The following ATXN10 variants were observed in gnomAD, a reference collection of about 807,000 sequenced individuals.
ATXN10 encodes the protein ataxin 10.
ATXN10 carries 28 observed loss-of-function variants against 52.9 expected under a neutral mutation model. The ratio of observed to expected loss-of-function variants is 0.53; its 90% CI spans 0.39 to 0.73. The LOEUF is 0.73. ATXN10 is among the 30% of genes least tolerant of loss of function. The pLI, the probability that ATXN10 is intolerant of heterozygous loss-of-function variation, is 0.00. For synonymous variants in ATXN10, 226 were observed against 221.5 expected (o/e 1.02, Z -0.18); for missense variants, 565 against 577.0 (o/e 0.98, Z 0.21).
chr22:45,731,353 T>C (rs1216733991), intron 7 of ATXN10, among the ~76,000 whole-genome samples: 2 of 152,238 alleles, frequency 1.3e-5, no homozygotes, highest in Non-Finnish European at 2.9e-5. Flanking sequence ...TGGAATTGAT[T>C]GCAGGGGAAC....
At chr22:45,812,804 A>G (rs146320627) in intron 10 of ATXN10, among the ~76,000 whole-genome samples, 2 of 152,234 alleles carry the variant, frequency 1.3e-5, no homozygotes, top group Admixed American at 6.5e-5. Flanking sequence ...ATAGGAGTCT[A>G]CCCGTGCCCC....
chr22:45,683,983 G>C lies in ATXN10; in HGVS notation c.117-5729G>C, dbSNP rs1403014190. ...CATGTTTTCTTAGAGACAAGGTCTC[G>C]CTGTGTCACCCAGGCCTGAGTGCAG... On this transcript the variant is annotated intron_variant, in intron 1 of 11. Coordinates refer to ENST00000252934, the MANE Select transcript of ATXN10 (RefSeq NM_013236.4). This position sits in a 1 kb window ranked among gnomAD's most constrained non-coding sequence, Gnocchi z 4.8. 6.6e-6 allele frequency among the ~76,000 whole-genome samples: 1 copy of C among 151,814 alleles called. No individual in the cohort carries two copies. Among genetic ancestry groups the C allele is most frequent in the South Asian group, 2.1e-4 (1 of 4,804 alleles).
At position 45,750,460 on chromosome 22, in the gene ATXN10, AAAG is replaced by A. The variant is rs2146815123; in HGVS notation, c.1173+9928_1173+9930del. Among the ~76,000 whole-genome samples, 1 of 152,302 alleles carries A rather than the reference AAAG, an allele frequency of 6.6e-6. No individual in the cohort carries two copies. Among genetic ancestry groups the A allele is most frequent in the East Asian group, 1.9e-4 (1 of 5,188 alleles). ...AAAACAATTATTTCACAGTATCCAA[AAAG>A]AAGAATATCTGAGACTTGGGTGAGG... On this transcript the variant is annotated intron_variant, in intron 9 of 11. Transcript: ENST00000252934. This position sits in a 1 kb window ranked among gnomAD's most constrained non-coding sequence, Gnocchi z 4.2.
In ATXN10 at chr22:45,780,312, G is replaced by C. The variant is rs1654578480; in HGVS notation, c.1174-26647G>C. Among the ~76,000 whole-genome samples the C allele has an allele frequency of 6.6e-6, 1 of 152,172 alleles. No homozygotes were observed. Among genetic ancestry groups the C allele is most frequent in the South Asian group, 2.1e-4 (1 of 4,828 alleles). On this transcript the variant is annotated intron_variant, in intron 9 of 11. Transcript: ENST00000252934. The surrounding 1 kb of genome is among the most constrained non-coding windows in gnomAD (Gnocchi z 4.0). ...GTGGCCAGGCTGGTCTTGAACTCCT[G>C]ACCTCAAATGATCCACCCGCTTCAG...
rs1013176651 is a variant in ATXN10 at position 45,687,473 on chromosome 22, G to A, written c.117-2239G>A. On this transcript the variant is annotated intron_variant, in intron 1 of 11. Transcript: ENST00000252934. Reference sequence around the variant, plus strand: ...GGATCAGGTGAAAGAAATAATTCTCGCTGCTTTCTTACAGCTGTAAATACA... The same window carrying A: ...GGATCAGGTGAAAGAAATAATTCTCACTGCTTTCTTACAGCTGTAAATACA... Among the ~76,000 whole-genome samples, 13 of 152,272 alleles carry A rather than the reference G, an allele frequency of 8.5e-5. No homozygotes were observed. In the East Asian group the frequency reaches 1.4e-3, roughly 16 times the overall value.
At chr22:45,755,229 C>G (rs1486750501) in intron 9 of ATXN10, among the ~76,000 whole-genome samples, 1 of 152,204 alleles carries the variant, frequency 6.6e-6, no homozygotes, top group African/African-American at 2.4e-5. Flanking sequence ...TCTCCATGAC[C>G]CTCTATCCTT....
At chr22:45,764,884 C>T (rs1411274430) in intron 9 of ATXN10, among the ~76,000 whole-genome samples, 1 of 152,174 alleles carries the variant, frequency 6.6e-6, no homozygotes, top group Non-Finnish European at 1.5e-5. Flanking sequence ...GGACATTTGT[C>T]TGTTTTAAAT....
intron 3 of ATXN10, among the ~76,000 whole-genome samples, chr22:45,700,023 GCTGGTCTTGAACTCCTGGCCTCAAGTGAT>G: frequency 6.6e-6 from 1 of 151,966 alleles, no homozygotes; most frequent in East Asian, 1.9e-4. Context: ...TATTGGCCAG[GCTGGTCTTGAACTCCTGGCCTCAAGTGAT>G]CCACCCGCCT....
At position 45,842,711 on chromosome 22, in the gene ATXN10, C is replaced by G. The variant is rs1929387013; in HGVS notation, c.1238-280C>G. On this transcript the variant is annotated intron_variant, in intron 10 of 11. Transcript: ENST00000252934. The surrounding 1 kb of genome is among the most constrained non-coding windows in gnomAD (Gnocchi z 4.8). ...TTGAGCTACTCTAAGTCTTTGCTTCCTTGTTCATTCATTCAACAAATACTG... is the reference window on the plus strand; with the variant it reads ...TTGAGCTACTCTAAGTCTTTGCTTCGTTGTTCATTCATTCAACAAATACTG... Among the ~76,000 whole-genome samples, 1 of 152,134 alleles carries G rather than the reference C, an allele frequency of 6.6e-6. No homozygotes were observed. Among genetic ancestry groups the G allele is most frequent in the Admixed American group, 6.5e-5 (1 of 15,286 alleles).
intron 9 of ATXN10, among the ~76,000 whole-genome samples, chr22:45,806,550 C>T (rs558303646): frequency 1.3e-5 from 2 of 152,224 alleles, no homozygotes; most frequent in East Asian, 1.9e-4. Flanking sequence ...CTGTTGCTTC[C>T]GGATTGAATC....
chr22:45,785,434 CTAGTT>C (rs1223257673), intron 9 of ATXN10, among the ~76,000 whole-genome samples: 1 of 152,104 alleles, frequency 6.6e-6, no homozygotes, highest in Admixed American at 6.5e-5. Context: ...TATGATTCAG[CTAGTT>C]TAAAGTTCTT....
intron 10 of ATXN10, among the ~76,000 whole-genome samples, chr22:45,836,451 C>G (rs903442639): frequency 3.9e-5 from 6 of 152,224 alleles, no homozygotes; most frequent in African/African-American, 1.4e-4. Context: ...CAGCACCCTG[C>G]GAGCGGGAGC....
chr22:45,682,755 T>C (rs1272156759), intron 1 of ATXN10, among the ~76,000 whole-genome samples: 1 of 152,252 alleles, frequency 6.6e-6, no homozygotes, highest in African/African-American at 2.4e-5. Context: ...TTTCAATTTA[T>C]GGCTCAGGCT....
chr22:45,724,472 G>T (rs1924789088), intron 6 of ATXN10, among the ~76,000 whole-genome samples: 1 of 151,798 alleles, frequency 6.6e-6, no homozygotes, highest in African/African-American at 2.4e-5. Flanking sequence ...TCTTCTTTTG[G>T]GAAATGTCTA....
chr22:45,795,211 C>T lies in ATXN10; in HGVS notation c.1174-11748C>T, dbSNP rs1601650962. The stretch of plus-strand genomic sequence containing the variant: ...AATAAGTGGAATATTTAAAAATGCT[C>T]AGTCTCAAAAGAGTCTGGAAAATAA... On this transcript the variant is annotated intron_variant, in intron 9 of 11. Coordinates refer to ENST00000252934, the MANE Select transcript of ATXN10 (RefSeq NM_013236.4). The surrounding 1 kb of genome is among the most constrained non-coding windows in gnomAD (Gnocchi z 4.6). Among the ~76,000 whole-genome samples, 1 of 152,122 alleles carries T rather than the reference C, an allele frequency of 6.6e-6. No homozygotes were observed. The highest frequency in any genetic ancestry group is 1.9e-4 in the East Asian group (1 of 5,190).
chr22:45,694,521 C>G (rs1334024862), intron 3 of ATXN10, among the ~76,000 whole-genome samples: 3 of 151,990 alleles, frequency 2.0e-5, no homozygotes, highest in Non-Finnish European at 4.4e-5. Context: ...GTGGCTCAAG[C>G]CTGTAATCCC....
rs958079816 is a variant in ATXN10, at chr22:45,684,643, T to C, written c.117-5069T>C. 6.6e-6 allele frequency among the ~76,000 whole-genome samples: 1 copy of C among 152,162 alleles called. No homozygotes were observed. The highest frequency in any genetic ancestry group is 1.5e-5 in the Non-Finnish European group (1 of 68,036). On this transcript the variant is annotated intron_variant, in intron 1 of 11. Transcript: ENST00000252934. This position sits in a 1 kb window ranked among gnomAD's most constrained non-coding sequence, Gnocchi z 4.1. Reference sequence around the variant, plus strand: ...GGAGTTGAGAGTGTGACAGAGGCTGTTTGGCCATCAGAGCTGGAAATATTC... The same window carrying C: ...GGAGTTGAGAGTGTGACAGAGGCTGCTTGGCCATCAGAGCTGGAAATATTC...
chr22:45,829,905 A>G (rs1248506915), intron 10 of ATXN10, among the ~76,000 whole-genome samples: 2 of 152,232 alleles, frequency 1.3e-5, no homozygotes, highest in Non-Finnish European at 2.9e-5. Flanking sequence ...AGGGACATTG[A>G]ATAGCCAAAA....
chr22:45,801,157 C>T (rs537718357), intron 9 of ATXN10, among the ~76,000 whole-genome samples: 1 of 152,180 alleles, frequency 6.6e-6, no homozygotes, highest in Non-Finnish European at 1.5e-5. Flanking sequence ...TTGGGGAGAT[C>T]AGGCGTTTTC....
Sources: allele counts gnomAD v4.1 joint callset (sites outside exome capture counted in the v4.1 genomes callset), GRCh38; gene constraint gnomAD v4.1.1; non-coding constraint Gnocchi (gnomAD v3.1); transcripts MANE v1.5; gene names NCBI Gene and HGNC (gene_info 2026-07-23, HGNC 2026-07-21).